Variants in ABCA3 observed in about 807,000 individuals in gnomAD.
ABCA3 encodes ATP binding cassette subfamily A member 3, also known as phospholipid-transporting ATPase ABCA3.
Under a neutral mutation model 172.8 loss-of-function variants are expected in ABCA3, and 88 were observed. The observed-to-expected ratio is 0.51, with a 90% confidence interval of 0.43 to 0.61. The LOEUF (loss-of-function observed/expected upper bound fraction) is 0.61, where lower values mean the gene tolerates loss of function less well. ABCA3 is among the 20% of genes least tolerant of loss of function. The probability of loss-of-function intolerance (pLI) is 0.00; values close to 1 mark genes in which losing one functional copy is unlikely to be tolerated. For synonymous variants in ABCA3, 1,066 were observed against 983.8 expected (o/e 1.08, Z -1.56); for missense variants, 2,164 against 2,301.0 (o/e 0.94, Z 1.22).
chr16:2,319,229 T>C (rs573273571), intron 8 of ABCA3, among the ~76,000 whole-genome samples: 1 of 152,192 alleles, frequency 6.6e-6, no homozygotes, highest in East Asian at 1.9e-4. Flanking sequence ...CTCACGCCTG[T>C]AATCCCAGCA....
Position 2,285,564 on chromosome 16 carries a change from T to C in ABCA3, c.3361A>G (p.Ser1121Gly), listed in dbSNP as rs779438352. ...TGCTTGGCCTGCACGGCCCTCTCGC[T>C]GACCGCCAGGATGGAGAACGTGCTG... is the stretch of plus-strand genomic sequence containing the variant. ...LASTFSILAVSERAVQAKHVQ... is the reference protein window; with the variant it reads ...LASTFSILAVGERAVQAKHVQ... The change falls in exon 23 of 33, where the codon AGC becomes GGC. Residue 1121 changes from serine to glycine, a missense_variant. Transcript: ENST00000301732. This position sits in a 1 kb window ranked among gnomAD's most constrained non-coding sequence, Gnocchi z 4.7. The C allele has an allele frequency of 3.2e-5, 50 of 1,580,748 alleles. No homozygotes were observed. In the South Asian group the frequency reaches 4.4e-4, roughly 14 times the overall value.
rs17183533 is a variant in ABCA3 at position 2,295,387 on chromosome 16, T to C, written c.2414+203A>G. 0.27 allele frequency among the ~76,000 whole-genome samples: 40,960 copies of C among 152,162 alleles called. 7,001 individuals are homozygous for C. Among genetic ancestry groups the C allele is most frequent in the East Asian group, 0.52 (2,689 of 5,166 alleles). On this transcript the variant is annotated intron_variant, in intron 18 of 32. Transcript: ENST00000301732. ...TCTCCTTTTCAGGTCCTAATTATGT[T>C]TCTCCTTGCTAGGAGGCCTGGCACC...
chr16:2,288,430 G>T (rs977797110), intron 20 of ABCA3, 101 bp from the exon 21 acceptor site: 3 of 1,364,460 alleles, frequency 2.2e-6, no homozygotes, highest in African/African-American at 1.4e-5. Flanking sequence ...CGCCAGCCTG[G>T]GGGCCTGCAG....
rs2093662053 is a variant in ABCA3 at position 2,285,700 on chromosome 16, A to G, written c.3279-54T>C. 2 of 1,537,994 alleles carry G rather than the reference A, an allele frequency of 1.3e-6. No homozygotes were observed. The highest frequency in any genetic ancestry group is 2.0e-5 in the Admixed American group (1 of 50,990). On this transcript the variant is annotated intron_variant, in intron 22 of 32. Transcript: ENST00000301732. The surrounding 1 kb of genome is among the most constrained non-coding windows in gnomAD (Gnocchi z 4.7). ...GAGCACAGCACGTCTGGGTGGCAGG[A>G]GAGGTCGGGTTCTCGGTTATGACCG... is the stretch of plus-strand genomic sequence containing the variant.
Position 2,281,588 on chromosome 16 carries a change from G to GGGGC in ABCA3, c.4036-80_4036-79insGCCC. 3.9e-6 allele frequency: 2 copies of GGGGC among 517,012 alleles called. No homozygotes were observed. The highest frequency in any genetic ancestry group is 7.7e-6 in the Non-Finnish European group (2 of 260,090). The allele number at this position is 517,012 out of a possible 1,614,324, so 32.0% of individuals were successfully genotyped here. A position where few individuals can be genotyped will look rare whatever the true frequency, so the allele number is the denominator to read the frequency against. On this transcript the variant is annotated intron_variant, in intron 26 of 32. Transcript: ENST00000301732. This position sits in a 1 kb window ranked among gnomAD's most constrained non-coding sequence, Gnocchi z 4.7. Reference sequence around the variant, plus strand: ...CGTGGAGAAGGGAGGGGCGGGGGTGGATGTGGGAGGTCTGGTGGGACTAAG... The same window carrying GGGGC: ...CGTGGAGAAGGGAGGGGCGGGGGTGGGGGCATGTGGGAGGTCTGGTGGGACTAAG...
chr16:2,320,555 A>G (rs1336838053), intron 7 of ABCA3, among the ~76,000 whole-genome samples: 1 of 150,176 alleles, frequency 6.7e-6, no homozygotes, highest in Non-Finnish European at 1.5e-5. Flanking sequence ...ACGCCCAGCT[A>G]ATTTTTTTTT....
At position 2,285,474 on chromosome 16, in the gene ABCA3, T is replaced by A; in HGVS notation, c.3451A>T (p.Ile1151Phe). The change falls in exon 23 of 33, where the codon ATC (isoleucine) becomes TTC (phenylalanine). Residue 1151 changes from isoleucine to phenylalanine, a missense_variant. Physicochemically the swap from Ile to Phe is conservative, Grantham distance 21. This residue lies in a region of ABCA3 where 795 missense variants were observed against 881.9 expected (regional missense o/e 0.90). Coordinates refer to ENST00000301732, the MANE Select transcript of ABCA3 (RefSeq NM_001089.3). The surrounding 1 kb of genome is among the most constrained non-coding windows in gnomAD (Gnocchi z 4.7). ...FWLSALLWDL[I>F]SFLIPSLLLL... ...AGCAGACTGGGGATGAGGAAGGAGA[T>A]GAGGTCCCACAGCAGAGCAGAGAGC... is the stretch of plus-strand genomic sequence containing the variant. 6.2e-7 allele frequency: 1 copy of A among 1,611,786 alleles called. No homozygotes were observed. The highest frequency in any genetic ancestry group is 8.5e-7 in the Non-Finnish European group (1 of 1,179,046).
chr16:2,317,125 T>C (rs549786473), intron 10 of ABCA3, among the ~76,000 whole-genome samples, 158 bp downstream of exon 10: 1 of 152,322 alleles, frequency 6.6e-6, no homozygotes, highest in Admixed American at 6.5e-5. Flanking sequence ...TAAATTACGC[T>C]GACTTTCCTC....
At chr16:2,340,062 G>A (rs2093758101) in intron 1 of ABCA3, among the ~76,000 whole-genome samples, 2 of 152,250 alleles carry the variant, frequency 1.3e-5, no homozygotes, top group Admixed American at 1.3e-4. Context: ...AGGCTCCTCG[G>A]AACCAGAGGG....
At chr16:2,321,479 G>A (rs1229398404) in intron 7 of ABCA3, among the ~76,000 whole-genome samples, 1 of 152,212 alleles carries the variant, frequency 6.6e-6, no homozygotes, top group Admixed American at 6.5e-5. Flanking sequence ...GGACGTTGCT[G>A]TGACTTCCAT....
At chr16:2,298,632 TA>T in intron 14 of ABCA3, 92 bp from the exon 15 acceptor site, 1 of 1,509,588 alleles carries the variant, frequency 6.6e-7, no homozygotes, top group Non-Finnish European at 9.0e-7. Flanking sequence ...CTGTCTCCCC[TA>T]ATTTCCTCTG....
intron 8 of ABCA3, among the ~76,000 whole-genome samples, chr16:2,319,311 A>C (rs563302083): frequency 2.2e-4 from 34 of 151,940 alleles, no homozygotes; most frequent in Middle Eastern, 3.4e-3. Flanking sequence ...CGGTGAAACC[A>C]CGTCTCTACT....
At chr16:2,332,763 G>C in intron 1 of ABCA3, 1 of 965,650 alleles carries the variant, frequency 1.0e-6, no homozygotes. Flanking sequence ...GTGGTTTGCA[G>C]GTATTTTTGT....
At chr16:2,327,111 T>A (rs1047848556) in intron 3 of ABCA3, among the ~76,000 whole-genome samples, 4 of 152,312 alleles carry the variant, frequency 2.6e-5, no homozygotes, top group African/African-American at 7.2e-5. Flanking sequence ...CAGTAGTTTT[T>A]AAAATTTTTT....
At chr16:2,321,212 G>A (rs567341358) in intron 7 of ABCA3, among the ~76,000 whole-genome samples, 2 of 152,300 alleles carry the variant, frequency 1.3e-5, no homozygotes, top group South Asian at 4.1e-4. Flanking sequence ...CAGGCAGCAA[G>A]CATCATGTGT....
In ABCA3 at chr16:2,281,317, G is replaced by A. The variant is rs1006878314; in HGVS notation, c.4164+64C>T. On this transcript the variant is annotated intron_variant, in intron 27 of 32. Transcript: ENST00000301732. This position sits in a 1 kb window ranked among gnomAD's most constrained non-coding sequence, Gnocchi z 4.7. ...GCCGAAAGCTTCCAGGGATGGGGTCGGACCCTGGGGACAGCCAGGTAGTCA... is the reference window on the plus strand; with the variant it reads ...GCCGAAAGCTTCCAGGGATGGGGTCAGACCCTGGGGACAGCCAGGTAGTCA... 8.9e-5 allele frequency: 144 copies of A among 1,612,960 alleles called. 1 individual carries two copies. In the African/African-American group the frequency reaches 1.2e-3, roughly 13 times the overall value.
chr16:2,328,996 CT>C (rs11342708), intron 2 of ABCA3, among the ~76,000 whole-genome samples: 12,030 of 133,946 alleles, frequency 0.09, 1,418 homozygotes, highest in African/African-American at 0.28. Context: ...AAAACTCTTG[CT>C]TTTTTTTTTT....
In ABCA3 at chr16:2,288,071, TC is replaced by T; in HGVS notation, c.2958del (p.Asp988ThrfsTer21). 1.9e-6 allele frequency: 3 copies of T among 1,612,850 alleles called. No individual in the cohort carries two copies. Among genetic ancestry groups the T allele is most frequent in the Non-Finnish European group, 2.5e-6 (3 of 1,180,010 alleles). On this transcript the variant is annotated frameshift_variant, in exon 21 of 33. Transcript: ENST00000301732. LOFTEE classifies it high-confidence loss of function. ...TGTCCCTCAGCCTGCAGTGCGTCTTTCAGATGCTCTGACAGCTGCTGACCCA... is the reference window on the plus strand; with the variant it reads ...TGTCCCTCAGCCTGCAGTGCGTCTTTAGATGCTCTGACAGCTGCTGACCCA... ...SQLGQQLSEH[L>X]KDALQAEGQE...
intron 8 of ABCA3, among the ~76,000 whole-genome samples, chr16:2,319,190 ATAGAAAG>A (rs2141732181): frequency 6.6e-6 from 1 of 152,034 alleles, no homozygotes; most frequent in Non-Finnish European, 1.5e-5. Flanking sequence ...CCTTGGCAAT[ATAGAAAG>A]ACCTCCGGCC....
Sources: gnomAD v4.1 joint callset for allele counts (sites outside exome capture counted in the v4.1 genomes callset) on GRCh38, gnomAD v4.1.1 for gene constraint, gnomAD v4.1.1 regional missense constraint, Gnocchi (gnomAD v3.1) non-coding constraint, MANE v1.5 for transcripts, NCBI Gene and HGNC (gene_info 2026-07-23, HGNC 2026-07-21) for gene names.